Variants in GUCA1C observed in about 807,000 individuals in gnomAD.
GUCA1C encodes guanylate cyclase activator 1C, also known as guanylyl cyclase-activating protein 3.
GUCA1C carries 15 observed loss-of-function variants against 16.2 expected under a neutral mutation model. That is an observed-to-expected ratio of 0.93 (90% CI 0.62 to 1.43). The LOEUF is 1.43. Among genes scored for constraint, GUCA1C ranks in the 40% most tolerant of loss-of-function variants. GUCA1C has a pLI of 0.00. For missense variants in GUCA1C, 275 were observed against 244.8 expected, an observed-to-expected ratio of 1.12 and a Z score of -0.82; for synonymous variants, 78 against 85.4, an observed-to-expected ratio of 0.91 and a Z score of 0.48.
intron 1 of GUCA1C, among the ~76,000 whole-genome samples, chr3:108,933,870 C>A (rs148476078): frequency 7.9e-5 from 12 of 152,112 alleles, no homozygotes; most frequent in African/African-American, 2.9e-4. Flanking sequence ...ACTATAAAGA[C>A]ACATGCACAC....
At chr3:108,947,698 G>A (rs1946855562) in intron 1 of GUCA1C, among the ~76,000 whole-genome samples, 1 of 152,038 alleles carries the variant, frequency 6.6e-6, no homozygotes, top group Non-Finnish European at 1.5e-5. Flanking sequence ...AAAACATGTA[G>A]GAGGACAGAT....
chr3:108,924,062 A>G (rs762619470), intron 1 of GUCA1C, among the ~76,000 whole-genome samples: 14 of 152,012 alleles, frequency 9.2e-5, no homozygotes, highest in Non-Finnish European at 1.5e-4. Flanking sequence ...GAGTCTTTAG[A>G]GTTCTTTAGG....
intron 1 of GUCA1C, among the ~76,000 whole-genome samples, chr3:108,925,838 G>A (rs1283360427): frequency 6.6e-6 from 1 of 152,206 alleles, no homozygotes; most frequent in Non-Finnish European, 1.5e-5. Flanking sequence ...TGTAATCCCA[G>A]CACTTTGGGA....
chr3:108,923,843 GT>G, intron 1 of GUCA1C, among the ~76,000 whole-genome samples: 1 of 152,066 alleles, frequency 6.6e-6, no homozygotes. Context: ...GTGTTTTGTA[GT>G]TTTCCTCGTA....
At chr3:108,920,080 C>A (rs916404882) in intron 2 of GUCA1C, among the ~76,000 whole-genome samples, 2 of 152,132 alleles carry the variant, frequency 1.3e-5, no homozygotes, top group Non-Finnish European at 2.9e-5. Context: ...TAGTCCATGT[C>A]TCTTGTTAAA....
chr3:108,910,935 C>G (rs1195818237), intron 3 of GUCA1C, among the ~76,000 whole-genome samples: 1 of 152,104 alleles, frequency 6.6e-6, no homozygotes, highest in South Asian at 2.1e-4. Flanking sequence ...CAGGCGTGAG[C>G]CACCGCACCC....
chr3:108,935,318 A>C (rs1946714113), intron 1 of GUCA1C, among the ~76,000 whole-genome samples: 1 of 151,828 alleles, frequency 6.6e-6, no homozygotes, highest in African/African-American at 2.4e-5. Context: ...CAGATAACAA[A>C]CCTGTACTCC....
intron 1 of GUCA1C, among the ~76,000 whole-genome samples, chr3:108,929,107 C>A (rs1057305280): frequency 6.6e-6 from 1 of 152,090 alleles, no homozygotes; most frequent in Non-Finnish European, 1.5e-5. Context: ...TCTTTGATTT[C>A]TTTTATCAGA....
In GUCA1C at chr3:108,920,513, A is replaced by AT. The variant is rs776290319; in HGVS notation, c.276dup (p.Leu93IlefsTer6). 5.0e-6 allele frequency: 8 copies of AT among 1,597,136 alleles called. No individual in the cohort carries two copies. The highest frequency in any genetic ancestry group is 6.9e-6 in the Non-Finnish European group (8 of 1,164,956). On this transcript the variant is annotated frameshift_variant, in exon 2 of 4. Coordinates refer to ENST00000261047, the MANE Select transcript of GUCA1C (RefSeq NM_005459.4). LOFTEE classifies it high-confidence loss of function. ...TCATACAGCTTAAAATACCATTTTA[A>AT]TTTTTGCTCCATTTTTTCTTGCATG...
At chr3:108,929,923 TA>T (rs1946651920) in intron 1 of GUCA1C, among the ~76,000 whole-genome samples, 1 of 152,254 alleles carries the variant, frequency 6.6e-6, no homozygotes, top group Non-Finnish European at 1.5e-5. Flanking sequence ...CTCTTTTCTA[TA>T]AAGATTTTGT....
chr3:108,922,500 T>A (rs921144907), intron 1 of GUCA1C, among the ~76,000 whole-genome samples: 8 of 152,122 alleles, frequency 5.3e-5, no homozygotes, highest in African/African-American at 1.7e-4. Context: ...CACCAACATT[T>A]GTTGTTTTTT....
At chr3:108,932,097 A>G (rs142250972) in intron 1 of GUCA1C, among the ~76,000 whole-genome samples, 4,214 of 151,040 alleles carry the variant, frequency 0.028, 89 homozygotes, top group South Asian at 0.082. Context: ...TGATCCGCCC[A>G]CCTCGGCCTC....
At chr3:108,912,122 A>AATAATAATAATAATAATAATC (rs762101057) in intron 3 of GUCA1C, among the ~76,000 whole-genome samples, 23,374 of 146,986 alleles carry the variant, frequency 0.16, 2,619 homozygotes, top group Non-Finnish European at 0.22. Context: ...TAATAATAAT[A>AATAATAATAATAATAATAATC]ATCACCCTTT....
intron 1 of GUCA1C, among the ~76,000 whole-genome samples, chr3:108,947,685 C>G (rs1308852729): frequency 6.6e-6 from 1 of 151,612 alleles, no homozygotes; most frequent in Non-Finnish European, 1.5e-5. Context: ...TTAAAAAATC[C>G]AGAAAACATG....
chr3:108,917,480 C>CT (rs1372761971), intron 2 of GUCA1C, among the ~76,000 whole-genome samples: 3 of 151,832 alleles, frequency 2.0e-5, no homozygotes, highest in African/African-American at 7.3e-5. Context: ...AGGCAAGAAG[C>CT]TTTTTTTTCT....
intron 1 of GUCA1C, among the ~76,000 whole-genome samples, chr3:108,947,387 G>C (rs971993898): frequency 1.3e-5 from 2 of 152,146 alleles, no homozygotes; most frequent in Non-Finnish European, 2.9e-5. Flanking sequence ...TGCTGTCTCA[G>C]GGGTGGCAGA....
At chr3:108,929,720 C>T (rs2107296173) in intron 1 of GUCA1C, among the ~76,000 whole-genome samples, 1 of 152,206 alleles carries the variant, frequency 6.6e-6, no homozygotes, top group African/African-American at 2.4e-5. Context: ...TCTTCAATGC[C>T]TTTCTTCTTC....
intron 3 of GUCA1C, among the ~76,000 whole-genome samples, chr3:108,914,681 A>AC (rs1354434160): frequency 2.0e-5 from 3 of 152,108 alleles, no homozygotes; most frequent in Admixed American, 6.5e-5. Flanking sequence ...GATTTACTCT[A>AC]CTCCAATCCC....
chr3:108,918,949 T>C (rs1385954138), intron 2 of GUCA1C, among the ~76,000 whole-genome samples: 2 of 152,176 alleles, frequency 1.3e-5, no homozygotes, highest in African/African-American at 4.8e-5. Flanking sequence ...ACAGGACTTT[T>C]ATCCTTAATA....
Sources: allele counts gnomAD v4.1 joint callset (sites outside exome capture counted in the v4.1 genomes callset), GRCh38; gene constraint gnomAD v4.1.1; transcripts MANE v1.5; gene names NCBI Gene and HGNC (gene_info 2026-07-23, HGNC 2026-07-21).